Variants in ABCC5 observed in about 807,000 individuals in gnomAD.
The protein encoded by ABCC5 is ATP-binding cassette sub-family C member 5.
In ABCC5, 61 loss-of-function variants were observed where a neutral mutation model predicts 160.9. That is an observed-to-expected ratio of 0.38 (90% CI 0.31 to 0.47). The LOEUF is 0.47. Among genes scored for constraint, ABCC5 ranks in the 20% least tolerant of loss-of-function variants. The probability of loss-of-function intolerance (pLI) is 0.99; values close to 1 mark genes in which losing one functional copy is unlikely to be tolerated. For missense variants in ABCC5, 1,308 were observed against 1,813.3 expected, an observed-to-expected ratio of 0.72 and a Z score of 5.06; for synonymous variants, 666 against 700.6, an observed-to-expected ratio of 0.95 and a Z score of 0.78.
chr3:183,996,911 A>G (rs1427828462), intron 2 of ABCC5, among the ~76,000 whole-genome samples: 1 of 152,154 alleles, frequency 6.6e-6, no homozygotes, highest in Admixed American at 6.5e-5. Flanking sequence ...TCTTGTTGTC[A>G]TATCTTTACA....
At position 183,956,797 on chromosome 3, in the gene ABCC5, T is replaced by C. The variant is rs1303045101; in HGVS notation, c.2482+2936A>G. Among the ~76,000 whole-genome samples, 2 of 60,960 alleles carry C rather than the reference T, an allele frequency of 3.3e-5. 1 individual carries two copies. Among genetic ancestry groups the C allele is most frequent in the Non-Finnish European group, 5.6e-5 (2 of 35,748 alleles). The allele number at this position is 60,960 out of a possible 152,430, so 40.0% of individuals were successfully genotyped here. A position where few individuals can be genotyped will look rare whatever the true frequency, so the allele number is the denominator to read the frequency against. On this transcript the variant is annotated intron_variant, in intron 17 of 29. Coordinates refer to ENST00000334444, the MANE Select transcript of ABCC5 (RefSeq NM_005688.4). The stretch of plus-strand genomic sequence containing the variant: ...CATCGGTTACATGCGGATCCGTGTG[T>C]ATATCACATCTGTTACATGCAGATC...
Position 183,947,366 on chromosome 3 carries a change from A to T in ABCC5, c.3372T>A (p.Ile1124=). 6.2e-7 allele frequency: 1 copy of T among 1,613,514 alleles called. No homozygotes were observed. Among genetic ancestry groups the T allele is most frequent in the Non-Finnish European group, 8.5e-7 (1 of 1,179,696 alleles). ...GLMIVLMHGQ[I]PPAYAGLAIS... ...TGGCGAGACCCGCATAGGCTGGGGG[A>T]ATCTGCCCGTGCATAAGAACGATCA... is the stretch of plus-strand genomic sequence containing the variant. The change falls in exon 23 of 30, where the codon ATT becomes ATA. Residue 1124 remains isoleucine, a synonymous_variant. Transcript: ENST00000334444.
intron 26 of ABCC5, among the ~76,000 whole-genome samples, chr3:183,930,138 T>C (rs935970544): frequency 6.6e-6 from 1 of 152,238 alleles, no homozygotes; most frequent in East Asian, 1.9e-4. Flanking sequence ...CAGGAAACTC[T>C]CTGGGAGAAA....
intron 26 of ABCC5, among the ~76,000 whole-genome samples, chr3:183,932,948 T>C (rs563103459): frequency 6.6e-6 from 1 of 152,198 alleles, no homozygotes; most frequent in Admixed American, 6.6e-5. Context: ...GCAGATCACC[T>C]GAGGTCAGGA....
chr3:183,936,553 G>C lies in ABCC5; in HGVS notation c.3854+1348C>G, dbSNP rs1351754338. ...GATGGAGTCTCACTCTGTCACCCTG[G>C]CTACAGTGCAGTGGCATGATCTCAG... is the stretch of plus-strand genomic sequence containing the variant. On this transcript the variant is annotated intron_variant, in intron 26 of 29. Transcript: ENST00000334444. 2.6e-5 allele frequency among the ~76,000 whole-genome samples: 4 copies of C among 151,834 alleles called. No homozygotes were observed. The East Asian group carries it at 7.7e-4, about 29-fold the overall frequency.
Position 183,965,429 on chromosome 3 carries a change from T to C in ABCC5, c.1906A>G (p.Asn636Asp), listed in dbSNP as rs371762166. ...AGGATGTTGTCTCTCAGAGTAGCAT[T>C]GAGGATCCAGGCCTGCTGGGCCACA... ...AYVAQQAWILNATLRDNILFG... is the reference protein window; with the variant it reads ...AYVAQQAWILDATLRDNILFG... Residue 636 changes from asparagine to aspartate, a missense_variant, in exon 13 of 30, where the codon AAT becomes GAT. Around this residue, in one of 3 missense-constraint regions of ABCC5, gnomAD observed 1,142 missense variants for 1,527.1 expected, o/e 0.75. Coordinates refer to ENST00000334444, the MANE Select transcript of ABCC5 (RefSeq NM_005688.4). 15 of 1,613,772 alleles carry C rather than the reference T, an allele frequency of 9.3e-6. No individual in the cohort carries two copies. The highest frequency in any genetic ancestry group is 1.0e-5 in the Non-Finnish European group (12 of 1,180,034).
At chr3:183,936,150 C>A (rs966613219) in intron 26 of ABCC5, among the ~76,000 whole-genome samples, 34 of 152,004 alleles carry the variant, frequency 2.2e-4, no homozygotes, top group African/African-American at 6.5e-4. Context: ...CTCCTTTCCG[C>A]GGGCACACAC....
At position 183,963,092 on chromosome 3, in the gene ABCC5, T is replaced by C. The variant is rs1716923696; in HGVS notation, c.2235+293A>G. Among the ~76,000 whole-genome samples the C allele has an allele frequency of 6.6e-6, 1 of 152,236 alleles. No homozygotes were observed. The highest frequency in any genetic ancestry group is 2.4e-5 in the African/African-American group (1 of 41,460). ...CACTTGCATAGAGATGTTAACACAA[T>C]GCTTTCCAAACTATCTTATACCCAA... is the stretch of plus-strand genomic sequence containing the variant. On this transcript the variant is annotated intron_variant, in intron 15 of 29. Coordinates refer to ENST00000334444, the MANE Select transcript of ABCC5 (RefSeq NM_005688.4). The surrounding 1 kb of genome is among the most constrained non-coding windows in gnomAD (Gnocchi z 4.6).
chr3:184,011,930 G>A (rs1277923177), intron 2 of ABCC5, among the ~76,000 whole-genome samples: 7 of 151,942 alleles, frequency 4.6e-5, no homozygotes, highest in East Asian at 1.9e-4. Flanking sequence ...AAAGGGTAAC[G>A]AGAGATCCTT....
At chr3:183,925,325 C>G (rs1489080593) in intron 29 of ABCC5, among the ~76,000 whole-genome samples, 1 of 152,214 alleles carries the variant, frequency 6.6e-6, no homozygotes, top group Non-Finnish European at 1.5e-5. Flanking sequence ...TGTCGCTACT[C>G]ACAAGCAACA....
intron 26 of ABCC5, among the ~76,000 whole-genome samples, chr3:183,930,319 C>T (rs74757147): frequency 9.8e-4 from 150 of 152,336 alleles, no homozygotes; most frequent in African/African-American, 3.5e-3. Flanking sequence ...AGATTCTGAC[C>T]CGCCTTGCTC....
chr3:183,995,394 C>T (rs1278876411), intron 2 of ABCC5, among the ~76,000 whole-genome samples: 1 of 152,126 alleles, frequency 6.6e-6, no homozygotes, highest in African/African-American at 2.4e-5. Flanking sequence ...CTCCTATGTG[C>T]TCTCTTAAAA....
In ABCC5 at chr3:183,951,984, C is replaced by T; in HGVS notation, c.2687G>A (p.Gly896Glu). The T allele has an allele frequency of 6.2e-7, 1 of 1,611,910 alleles. No individual in the cohort carries two copies. The highest frequency in any genetic ancestry group is 8.5e-7 in the Non-Finnish European group (1 of 1,178,346). The stretch of plus-strand genomic sequence containing the variant: ...GCTGTCACTCACCGAGGTCTCGTTC[C>T]CTCGAGTCACAGTGGTGTTCTGTTT... Reference protein sequence around the residue: ...QGSGNTTVTRGNETSVSDSMK... With the variant: ...QGSGNTTVTRENETSVSDSMK... The change falls in exon 19 of 30, where the codon GGG becomes GAG. Residue 896 changes from glycine to glutamate, a missense_variant. Coordinates refer to ENST00000334444, the MANE Select transcript of ABCC5 (RefSeq NM_005688.4). The surrounding 1 kb of genome is among the most constrained non-coding windows in gnomAD (Gnocchi z 4.7).
intron 17 of ABCC5, among the ~76,000 whole-genome samples, chr3:183,954,305 C>T (rs184149761): frequency 2.6e-5 from 4 of 152,230 alleles, no homozygotes; most frequent in Admixed American, 1.3e-4. Flanking sequence ...CCCGCCACCA[C>T]GCCTGGCTAA....
At chr3:183,940,407 C>T (rs980878832) in intron 25 of ABCC5, among the ~76,000 whole-genome samples, 7 of 139,400 alleles carry the variant, frequency 5.0e-5, no homozygotes, top group Admixed American at 7.8e-5. Flanking sequence ...TACTCCAGAG[C>T]CGAGATTGCA....
intron 5 of ABCC5, chr3:183,985,285 TG>T: frequency 6.2e-7 from 1 of 1,607,028 alleles, no homozygotes. Flanking sequence ...GCATTCCCAG[TG>T]AATAAACATT....
chr3:184,014,524 A>AG (rs1157634138), intron 1 of ABCC5, 77 bp from the exon 2 acceptor site: 1 of 764,966 alleles, frequency 1.3e-6, no homozygotes, highest in African/African-American at 1.9e-5. Flanking sequence ...CCTTAAAAAT[A>AG]GGAAAAAAAA....
chr3:183,964,106 G>A (rs1437452616), intron 14 of ABCC5, among the ~76,000 whole-genome samples: 1 of 152,152 alleles, frequency 6.6e-6, no homozygotes, highest in Non-Finnish European at 1.5e-5. Context: ...ACATGACAAT[G>A]TCATGTGCTT....
chr3:183,948,698 AATTTTT>A (rs1715067439), intron 22 of ABCC5, among the ~76,000 whole-genome samples: 1 of 151,890 alleles, frequency 6.6e-6, no homozygotes, highest in Non-Finnish European at 1.5e-5. Context: ...AGATATTCTA[AATTTTT>A]ATTTTTATTT....
Sources: allele counts gnomAD v4.1 joint callset (sites outside exome capture counted in the v4.1 genomes callset), GRCh38; gene constraint gnomAD v4.1.1; regional missense constraint gnomAD v4.1.1; non-coding constraint Gnocchi (gnomAD v3.1); transcripts MANE v1.5; gene names NCBI Gene and HGNC (gene_info 2026-07-23, HGNC 2026-07-21).